ARHGAP15: variants seen among roughly 807,000 people sequenced by gnomAD.
The protein encoded by ARHGAP15 is rho GTPase-activating protein 15.
A neutral mutation model predicts 63.7 loss-of-function variants in ARHGAP15; 51 were observed. The ratio of observed to expected loss-of-function variants is 0.80; its 90% CI spans 0.64 to 1.01. The LOEUF (loss-of-function observed/expected upper bound fraction) is 1.01, where lower values mean the gene tolerates loss of function less well. Among genes scored for constraint, ARHGAP15 ranks in the 50% least tolerant of loss-of-function variants. The pLI is 0.00. For missense variants in ARHGAP15, 560 were observed against 564.6 expected (o/e 0.99, Z 0.08); for synonymous variants, 191 against 193.8 (o/e 0.99, Z 0.12).
At chr2:143,458,045 A>G (rs1045835765) in intron 8 of ARHGAP15, among the ~76,000 whole-genome samples, 2 of 152,134 alleles carry the variant, frequency 1.3e-5, no homozygotes, top group African/African-American at 4.8e-5. Flanking sequence ...TTTGGAAAGT[A>G]GTCTCTTAGG....
At chr2:143,336,104 G>A (rs1016791424) in intron 6 of ARHGAP15, among the ~76,000 whole-genome samples, 7 of 152,060 alleles carry the variant, frequency 4.6e-5, no homozygotes, top group African/African-American at 1.4e-4. Flanking sequence ...AGGCTCAAGC[G>A]ATCCTCCTGC....
chr2:143,475,656 G>GT (rs961410858), intron 8 of ARHGAP15, among the ~76,000 whole-genome samples: 19 of 152,218 alleles, frequency 1.2e-4, no homozygotes, highest in Non-Finnish European at 2.9e-5. Context: ...GCTGGGGAAT[G>GT]TGGGGGTAAG....
intron 4 of ARHGAP15, among the ~76,000 whole-genome samples, chr2:143,225,198 G>T (rs971609610): frequency 7.2e-5 from 11 of 152,072 alleles, no homozygotes; most frequent in African/African-American, 2.7e-4. Flanking sequence ...TGCAAATTCT[G>T]TACCCAATTC....
chr2:143,131,781 G>T (rs1325797993), intron 1 of ARHGAP15, among the ~76,000 whole-genome samples: 2 of 152,198 alleles, frequency 1.3e-5, no homozygotes, highest in East Asian at 3.8e-4. Context: ...GGGCCCAAAG[G>T]ATTAGCTAAA....
chr2:143,552,865 C>G (rs1695632550), intron 10 of ARHGAP15, among the ~76,000 whole-genome samples: 1 of 152,164 alleles, frequency 6.6e-6, no homozygotes, highest in Admixed American at 6.5e-5. Context: ...AGGTACCTCT[C>G]AAAGCGATTT....
At chr2:143,477,179 C>A (rs937278484) in intron 8 of ARHGAP15, among the ~76,000 whole-genome samples, 1 of 149,730 alleles carries the variant, frequency 6.7e-6, no homozygotes, top group Non-Finnish European at 1.5e-5. Flanking sequence ...TACACACACA[C>A]ACACATGCTC....
chr2:143,573,690 T>C (rs1696553440), intron 11 of ARHGAP15, among the ~76,000 whole-genome samples: 1 of 152,218 alleles, frequency 6.6e-6, no homozygotes, highest in Non-Finnish European at 1.5e-5. Context: ...GTTTTACAAG[T>C]ATTATTTTCC....
chr2:143,612,574 C>A (rs1698298321), intron 11 of ARHGAP15, among the ~76,000 whole-genome samples: 1 of 152,148 alleles, frequency 6.6e-6, no homozygotes, highest in Non-Finnish European at 1.5e-5. Context: ...ACATTGTGTT[C>A]ATGAGATAGG....
In ARHGAP15 at chr2:143,238,602, A is replaced by G. The variant is rs1170110245; in HGVS notation, c.384+9934A>G. Among the ~76,000 whole-genome samples, 4 of 152,346 alleles carry G rather than the reference A, an allele frequency of 2.6e-5. No individual in the cohort carries two copies. The East Asian group carries it at 7.7e-4, about 29-fold the overall frequency. ...ACTTTTACACTGTTGATGGGAGTGT[A>G]AATTAGTCTGATCATTGTGGAAGAC... is the stretch of plus-strand genomic sequence containing the variant. On this transcript the variant is annotated intron_variant, in intron 5 of 13. Coordinates refer to ENST00000295095, the MANE Select transcript of ARHGAP15 (RefSeq NM_018460.4).
chr2:143,183,552 C>A (rs906215828), intron 2 of ARHGAP15, among the ~76,000 whole-genome samples: 1 of 151,900 alleles, frequency 6.6e-6, no homozygotes. Context: ...ATAAAAGTAT[C>A]TAAAAAGGAT....
intron 12 of ARHGAP15, among the ~76,000 whole-genome samples, chr2:143,658,265 G>A (rs571897487): frequency 7.0e-4 from 106 of 152,200 alleles, no homozygotes; most frequent in South Asian, 3.5e-3. Flanking sequence ...TATCTTCATC[G>A]TACCAATGTG....
At chr2:143,654,660 TTGAC>T (rs1681340035) in intron 12 of ARHGAP15, among the ~76,000 whole-genome samples, 4 of 152,306 alleles carry the variant, frequency 2.6e-5, no homozygotes, top group African/African-American at 9.6e-5. Flanking sequence ...CTCAAAAAGG[TTGAC>T]TGACATTTCT....
chr2:143,460,535 A>G (rs1690884903), intron 8 of ARHGAP15, among the ~76,000 whole-genome samples: 1 of 152,242 alleles, frequency 6.6e-6, no homozygotes. Flanking sequence ...ATAATGTTAA[A>G]TTAGAATCTT....
intron 10 of ARHGAP15, among the ~76,000 whole-genome samples, chr2:143,520,783 A>T (rs763193726): frequency 2.6e-5 from 4 of 152,168 alleles, no homozygotes; most frequent in Non-Finnish European, 5.9e-5. Context: ...ACTTATAAAT[A>T]CTCAGCCCTG....
intron 12 of ARHGAP15, among the ~76,000 whole-genome samples, chr2:143,685,171 A>G (rs1447177346): frequency 3.3e-5 from 5 of 151,766 alleles, no homozygotes; most frequent in Admixed American, 1.3e-4. Flanking sequence ...TGCTCGGGAG[A>G]GGGGGGTGGG....
At chr2:143,409,572 G>A (rs562564088) in intron 6 of ARHGAP15, among the ~76,000 whole-genome samples, 2 of 151,998 alleles carry the variant, frequency 1.3e-5, no homozygotes, top group Non-Finnish European at 2.9e-5. Context: ...TATACCCCCA[G>A]TACAAAGAAT....
At chr2:143,631,984 G>C (rs192816938) in intron 12 of ARHGAP15, among the ~76,000 whole-genome samples, 2 of 151,942 alleles carry the variant, frequency 1.3e-5, no homozygotes, top group East Asian at 1.9e-4. Flanking sequence ...TCTGCCTTAA[G>C]GTGTCTAATT....
chr2:143,353,940 T>C (rs912429448), intron 6 of ARHGAP15, among the ~76,000 whole-genome samples: 18 of 152,130 alleles, frequency 1.2e-4, no homozygotes, highest in African/African-American at 4.3e-4. Flanking sequence ...TGGAGCAAGA[T>C]TTTAAGGCTC....
intron 2 of ARHGAP15, among the ~76,000 whole-genome samples, chr2:143,166,001 A>AGAAAGAAAAAAGGAAG (rs70982847): frequency 1.3e-4 from 13 of 101,160 alleles, no homozygotes; most frequent in Admixed American, 4.7e-4. Context: ...AAAGAAAGAA[A>AGAAAGAAAAAAGGAAG]GAAGGAAGGA....
Sources: allele counts gnomAD v4.1 joint callset (sites outside exome capture counted in the v4.1 genomes callset), GRCh38; gene constraint gnomAD v4.1.1; transcripts MANE v1.5; gene names NCBI Gene and HGNC (gene_info 2026-07-23, HGNC 2026-07-21).